Variants in LRRC37A2 observed in about 807,000 individuals in gnomAD.
LRRC37A2 encodes the protein leucine rich repeat containing 37 member A2.
LRRC37A2 carries 9 observed loss-of-function variants against 68.8 expected under a neutral mutation model. The observed-to-expected ratio is 0.13, with a 90% CI of 0.08 to 0.23. The LOEUF (loss-of-function observed/expected upper bound fraction) is 0.23. Among genes scored for constraint, LRRC37A2 ranks in the 10% least tolerant of loss-of-function variants. The probability of loss-of-function intolerance (pLI) is 1.00; values close to 1 mark genes in which losing one functional copy is unlikely to be tolerated. For synonymous variants in LRRC37A2, 63 were observed against 367.6 expected (o/e 0.17, Z 9.48); for missense variants, 168 against 950.4 (o/e 0.18, Z 10.82).
At chr17:46,783,491 C>T in the LRRC37A2 span, among the ~76,000 whole-genome samples, 1 of 152,314 alleles carries the variant, frequency 6.6e-6, no homozygotes, top group Non-Finnish European at 1.5e-5. Flanking sequence ...AGCACCCAGC[C>T]CAGGAGGCTG....
At chr17:46,801,355 C>G in the LRRC37A2 span, among the ~76,000 whole-genome samples, 1 of 152,220 alleles carries the variant, frequency 6.6e-6, no homozygotes, top group Non-Finnish European at 1.5e-5. Flanking sequence ...CACGGTGGCT[C>G]ACGCCTGTAA....
chr17:46,748,524 C>T, the LRRC37A2 span, among the ~76,000 whole-genome samples: 1 of 152,144 alleles, frequency 6.6e-6, no homozygotes, highest in South Asian at 2.1e-4. Flanking sequence ...ACCTCCCTCA[C>T]TCTTTCTGAG....
At chr17:46,770,581 G>A in the LRRC37A2 span, among the ~76,000 whole-genome samples, 2 of 152,134 alleles carry the variant, frequency 1.3e-5, no homozygotes, top group Non-Finnish European at 2.9e-5. Context: ...GGTCTCAGTC[G>A]CCCTTTTTGT....
the LRRC37A2 span, among the ~76,000 whole-genome samples, chr17:46,747,909 T>G: frequency 6.6e-6 from 1 of 152,130 alleles, no homozygotes; most frequent in Non-Finnish European, 1.5e-5. Context: ...AGGAATCTAG[T>G]GCCAGCAAAA....
At chr17:46,918,510 G>A in the LRRC37A2 span, among the ~76,000 whole-genome samples, 1 of 152,186 alleles carries the variant, frequency 6.6e-6, no homozygotes, top group Non-Finnish European at 1.5e-5. Flanking sequence ...TATTAGGTTG[G>A]TGCAAAAGTA....
chr17:46,749,630 C>T, the LRRC37A2 span: 19 of 734,054 alleles, frequency 2.6e-5, no homozygotes, highest in Middle Eastern at 4.1e-4. Context: ...CAGGAAAATC[C>T]TGAATTGTTT....
chr17:46,939,482 T>C, the LRRC37A2 span: 1 of 986,698 alleles, frequency 1.0e-6, no homozygotes. Flanking sequence ...TAGTTGTTAA[T>C]AGAGTGGTTG....
chr17:46,424,633 TA>T, the LRRC37A2 span, among the ~76,000 whole-genome samples: 1 of 112,660 alleles, frequency 8.9e-6, no homozygotes, highest in Non-Finnish European at 2.1e-5. Context: ...AATTGACAGA[TA>T]ATAATTGTAT....
At chr17:47,018,513 C>G in the LRRC37A2 span, 1 of 1,521,418 alleles carries the variant, frequency 6.6e-7, no homozygotes, top group South Asian at 1.1e-5. Flanking sequence ...GGCTACAGCT[C>G]AGCTCTCAGG....
chr17:46,858,978 C>CT, the LRRC37A2 span, among the ~76,000 whole-genome samples: 13,251 of 134,214 alleles, frequency 0.099, 759 homozygotes, highest in East Asian at 0.23. Flanking sequence ...ATAATTTTAG[C>CT]TTTTTTTTTT....
chr17:47,003,989 C>A, the LRRC37A2 span, among the ~76,000 whole-genome samples: 1 of 152,074 alleles, frequency 6.6e-6, no homozygotes, highest in Non-Finnish European at 1.5e-5. Context: ...TTTGTTCTTA[C>A]GATAGTTTGC....
the LRRC37A2 span, among the ~76,000 whole-genome samples, chr17:46,781,789 C>A: frequency 6.6e-6 from 1 of 152,158 alleles, no homozygotes; most frequent in Non-Finnish European, 1.5e-5. Context: ...GCATCTAGAG[C>A]CCCTGTGCAG....
chr17:46,757,127 T>C, the LRRC37A2 span: 1 of 152,230 alleles, frequency 6.6e-6, no homozygotes, highest in Non-Finnish European at 1.5e-5. Flanking sequence ...TTTGTCCTCA[T>C]GTGAGAAAGC....
chr17:46,748,176 T>C, the LRRC37A2 span, among the ~76,000 whole-genome samples: 1 of 152,104 alleles, frequency 6.6e-6, no homozygotes, highest in African/African-American at 2.4e-5. Flanking sequence ...GGCGTGATCT[T>C]GGCTCGGCTC....
chr17:46,773,602 A>T, the LRRC37A2 span: 3 of 1,428,666 alleles, frequency 2.1e-6, no homozygotes, highest in Middle Eastern at 2.6e-4. Context: ...CTGGGGTGGA[A>T]GGGCATACAG....
At chr17:46,943,517 G>A in the LRRC37A2 span, among the ~76,000 whole-genome samples, 2 of 152,234 alleles carry the variant, frequency 1.3e-5, no homozygotes, top group African/African-American at 4.8e-5. Flanking sequence ...CCTCCAAGAA[G>A]CCTGCCCCTC....
chr17:46,940,900 A>G, the LRRC37A2 span: 5 of 1,365,550 alleles, frequency 3.7e-6, no homozygotes, highest in South Asian at 3.0e-5. Context: ...CTCTTCACAC[A>G]TCTGCTTTCA....
the LRRC37A2 span, among the ~76,000 whole-genome samples, chr17:46,841,117 G>T: frequency 6.6e-6 from 1 of 152,218 alleles, no homozygotes; most frequent in Non-Finnish European, 1.5e-5. Context: ...GACAGACAAG[G>T]CTCCTTGGAA....
At chr17:46,733,531 G>A in the LRRC37A2 span, among the ~76,000 whole-genome samples, 1 of 152,146 alleles carries the variant, frequency 6.6e-6, no homozygotes, top group African/African-American at 2.4e-5. Flanking sequence ...ATGTAACAGG[G>A]TAGCCTCGTA....
Sources: gnomAD v4.1 joint callset for allele counts (sites outside exome capture counted in the v4.1 genomes callset) on GRCh38, gnomAD v4.1.1 for gene constraint, MANE v1.5 for transcripts, NCBI Gene and HGNC (gene_info 2026-07-23, HGNC 2026-07-21) for gene names.